IL18RAP: variants seen among roughly 807,000 people sequenced by gnomAD.
The protein encoded by IL18RAP is interleukin 18 receptor accessory protein, also known as interleukin-18 receptor accessory protein.
Under a neutral mutation model 58.1 loss-of-function variants are expected in IL18RAP, and 37 were observed. That is an observed-to-expected ratio of 0.64 (90% CI 0.49 to 0.84). The LOEUF (loss-of-function observed/expected upper bound fraction) is 0.84, where lower values mean the gene tolerates loss of function less well. Ranked by LOEUF, IL18RAP falls within the 40% of genes least tolerant of loss-of-function variation. IL18RAP has a pLI of 0.00. For synonymous variants in IL18RAP, 268 were observed against 257.5 expected, an observed-to-expected ratio of 1.04 and a Z score of -0.39; for missense variants, 667 against 704.8, an observed-to-expected ratio of 0.95 and a Z score of 0.61.
At chr2:102,420,372 T>A (rs1338284309), upstream of IL18RAP, among the ~76,000 whole-genome samples, 1 of 152,214 alleles carries the variant, frequency 6.6e-6, no homozygotes, top group Non-Finnish European at 1.5e-5. Context: ...CCCAAAAATC[T>A]GCATTTGTAA....
chr2:102,422,468 C>G (rs1681635303), upstream of IL18RAP, among the ~76,000 whole-genome samples: 1 of 152,198 alleles, frequency 6.6e-6, no homozygotes, highest in Non-Finnish European at 1.5e-5. Flanking sequence ...GCTGCTGAAA[C>G]TGAGACCCTG....
At chr2:102,418,668 C>T (rs2104269868), upstream of IL18RAP, 3 of 152,354 alleles carry the variant, frequency 2.0e-5, 1 homozygote, top group South Asian at 6.2e-4. Flanking sequence ...TTTGATTTTC[C>T]TCTGTATGAC....
intron 8 of IL18RAP, 136 bp downstream of exon 8, chr2:102,447,343 C>A: frequency 9.9e-7 from 1 of 1,006,336 alleles, no homozygotes. Flanking sequence ...CAAATGTCCC[C>A]TGCCAGCCAG....
chr2:102,444,463 C>A (rs1228796397), intron 6 of IL18RAP, among the ~76,000 whole-genome samples: 1 of 152,210 alleles, frequency 6.6e-6, no homozygotes, highest in Non-Finnish European at 1.5e-5. Context: ...GGCGTGGTTA[C>A]AGCAGAGGTG....
chr2:102,441,426 G>A, intron 5 of IL18RAP, 49 bp downstream of exon 5: 1 of 1,441,624 alleles, frequency 6.9e-7, no homozygotes. Flanking sequence ...GCTGGGAGCA[G>A]GTCTAAGTGT....
chr2:102,445,391 GGGA>G (rs1197635523), intron 7 of IL18RAP, 51 bp downstream of exon 7: 4 of 1,564,926 alleles, frequency 2.6e-6, no homozygotes, highest in Non-Finnish European at 1.8e-6. Context: ...CACTTGAGAG[GGGA>G]GGAGTTTTCC....
intron 3 of IL18RAP, among the ~76,000 whole-genome samples, chr2:102,431,443 A>G (rs1682350588): frequency 1.3e-5 from 2 of 152,238 alleles, no homozygotes; most frequent in African/African-American, 4.8e-5. Context: ...TGAGTTTCCT[A>G]TGCATGAATG....
intron 3 of IL18RAP, among the ~76,000 whole-genome samples, chr2:102,428,886 A>G (rs1390133924): frequency 6.6e-6 from 1 of 151,936 alleles, no homozygotes; most frequent in Non-Finnish European, 1.5e-5. Context: ...TCTATACTTA[A>G]TTGGTTGAGG....
chr2:102,418,878 T>C (rs1030815621), upstream of IL18RAP: 7 of 152,474 alleles, frequency 4.6e-5, no homozygotes, highest in African/African-American at 1.2e-4. Context: ...AGCTGGCAGT[T>C]ACTGAAATAA....
At chr2:102,426,239 A>AT (rs1163765858) in intron 3 of IL18RAP, among the ~76,000 whole-genome samples, 1 of 152,118 alleles carries the variant, frequency 6.6e-6, no homozygotes, top group African/African-American at 2.4e-5. Flanking sequence ...CCATCTCTGA[A>AT]TAGGTGAAGC....
In IL18RAP at chr2:102,424,398, CG is replaced by C; in HGVS notation, c.565del (p.Val189Ter). ...LSCQSDAQSP[A>X]VTWYKNGKLL... ...TGCCAAAGTGATGCACAAAGTCCAG[CG>C]GTAACCTGGTACAAGGTAAGAGTGA... On this transcript the variant is annotated frameshift_variant, in exon 3 of 10. Transcript: ENST00000687160. LOFTEE classifies it high-confidence loss of function. 3 of 1,613,702 alleles carry C rather than the reference CG, an allele frequency of 1.9e-6. No individual in the cohort carries two copies. The highest frequency in any genetic ancestry group is 2.5e-6 in the Non-Finnish European group (3 of 1,179,742).
chr2:102,446,600 C>G (rs762320366), intron 7 of IL18RAP, among the ~76,000 whole-genome samples: 1 of 152,088 alleles, frequency 6.6e-6, no homozygotes, highest in Admixed American at 6.5e-5. Context: ...ATGGTATCCA[C>G]CATCCTGGCT....
upstream of IL18RAP, among the ~76,000 whole-genome samples, chr2:102,422,350 C>A (rs531526341): frequency 8.5e-5 from 13 of 152,146 alleles, no homozygotes; most frequent in Admixed American, 6.5e-5. Flanking sequence ...TTCCATTAGC[C>A]CTGGCCTACT....
intron 3 of IL18RAP, among the ~76,000 whole-genome samples, chr2:102,429,444 A>C (rs1462114114): frequency 6.6e-6 from 1 of 151,784 alleles, no homozygotes; most frequent in East Asian, 1.9e-4. Flanking sequence ...GATTTTATCT[A>C]TTTGAGTGTT....
intron 3 of IL18RAP, among the ~76,000 whole-genome samples, chr2:102,436,791 GTGTA>G (rs780939406): frequency 7.2e-4 from 95 of 132,810 alleles, no homozygotes; most frequent in Non-Finnish European, 1.3e-3. Flanking sequence ...ATATATGTGT[GTGTA>G]TGTATATATA....
At position 102,452,387 on chromosome 2, in the gene IL18RAP, A is replaced by G; in HGVS notation, c.*206A>G. The stretch of plus-strand genomic sequence containing the variant: ...CCTGGACTGGACTGACGGCGAGTGA[A>G]TTCTCTAGACCTTGGGTACTTTCAG... On this transcript the variant is annotated 3_prime_UTR_variant, in exon 10 of 10. Transcript: ENST00000687160. The G allele has an allele frequency of 1.9e-6, 1 of 523,832 alleles. No homozygotes were observed. The highest frequency in any genetic ancestry group is 3.0e-5 in the East Asian group (1 of 33,630). The allele number at this position is 523,832 out of a possible 1,614,324, so 32.4% of individuals were successfully genotyped here.
At chr2:102,429,308 T>A (rs1340948469) in intron 3 of IL18RAP, among the ~76,000 whole-genome samples, 2 of 151,990 alleles carry the variant, frequency 1.3e-5, no homozygotes, top group Non-Finnish European at 2.9e-5. Flanking sequence ...GTAGGTTGTA[T>A]GTGTCTAGGA....
At position 102,451,938 on chromosome 2, in the gene IL18RAP, G is replaced by T; in HGVS notation, c.1557G>T (p.Glu519Asp). Reference protein sequence around the residue: ...LILIKFCYFQEPESLPHLVKK... With the variant: ...LILIKFCYFQDPESLPHLVKK... ...TAATTAAGTTCTGTTACTTCCAAGA[G>T]CCAGAGTCTCTACCTCATCTCGTGA... is the stretch of plus-strand genomic sequence containing the variant. The change falls in exon 10 of 10, where the codon GAG becomes GAT. Residue 519 changes from glutamate (E) to aspartate (D), a missense_variant. Transcript: ENST00000687160. The T allele has an allele frequency of 1.2e-6, 2 of 1,614,164 alleles. No individual in the cohort carries two copies. The highest frequency in any genetic ancestry group is 1.7e-6 in the Non-Finnish European group (2 of 1,180,032).
intron 8 of IL18RAP, among the ~76,000 whole-genome samples, chr2:102,448,464 A>G (rs6736135): frequency 0.3 from 45,184 of 151,990 alleles, 7,120 homozygotes; most frequent in African/African-American, 0.34. Context: ...GTTTTTTTCT[A>G]GTCCTGGAAA....
Sources: allele counts gnomAD v4.1 joint callset (sites outside exome capture counted in the v4.1 genomes callset), GRCh38; gene constraint gnomAD v4.1.1; transcripts MANE v1.5; gene names NCBI Gene and HGNC (gene_info 2026-07-23, HGNC 2026-07-21).